Variants in EXOC2 observed in about 807,000 individuals in gnomAD.
The protein encoded by EXOC2 is SEC5-like 1.
In EXOC2, 70 loss-of-function variants were observed where a neutral mutation model predicts 131.8. The observed-to-expected ratio is 0.53, with a 90% CI of 0.44 to 0.65. The LOEUF is 0.65. Among genes scored for constraint, EXOC2 ranks in the 30% least tolerant of loss-of-function variants. The pLI is 0.00. For synonymous variants in EXOC2, 411 were observed against 398.4 expected, an observed-to-expected ratio of 1.03 and a Z score of -0.38; for missense variants, 923 against 1,108.6, an observed-to-expected ratio of 0.83 and a Z score of 2.38.
At chr6:641,145 G>C (rs1174496543) in intron 1 of EXOC2, among the ~76,000 whole-genome samples, 1 of 152,142 alleles carries the variant, frequency 6.6e-6, no homozygotes, top group Non-Finnish European at 1.5e-5. Context: ...AGGTAAACCA[G>C]GGAGTGACCA....
intron 21 of EXOC2, 67 bp from the exon 22 acceptor site, chr6:549,358 T>C (rs973704739): frequency 1.7e-6 from 2 of 1,171,492 alleles, no homozygotes; most frequent in Non-Finnish European, 2.5e-6. Flanking sequence ...GATTAACACT[T>C]GTCAAGTTTA....
intron 13 of EXOC2, among the ~76,000 whole-genome samples, chr6:565,564 A>G (rs1015049266): frequency 2.6e-5 from 4 of 152,228 alleles, no homozygotes; most frequent in African/African-American, 7.2e-5. Flanking sequence ...CAAATTTTCT[A>G]ACTAAATATT....
At chr6:585,610 C>A (rs860138) in intron 11 of EXOC2, among the ~76,000 whole-genome samples, 138,941 of 152,236 alleles carry the variant, frequency 0.91, 63,592 homozygotes, top group East Asian at 1. Flanking sequence ...TTGCTCATAA[C>A]ATTTTCTCTG....
chr6:662,997 A>G (rs1351323438), intron 1 of EXOC2, among the ~76,000 whole-genome samples: 2 of 152,178 alleles, frequency 1.3e-5, no homozygotes, highest in Non-Finnish European at 2.9e-5. Context: ...TCTCAAAAAA[A>G]AAAACAAATC....
At chr6:671,563 A>G (rs970677206) in intron 1 of EXOC2, among the ~76,000 whole-genome samples, 4 of 152,168 alleles carry the variant, frequency 2.6e-5, no homozygotes, top group Non-Finnish European at 5.9e-5. Context: ...TATTTGACCT[A>G]TATCATTTTG....
chr6:617,598 G>A, intron 6 of EXOC2, 113 bp downstream of exon 6: 1 of 1,343,704 alleles, frequency 7.4e-7, no homozygotes, highest in Non-Finnish European at 9.9e-7. Flanking sequence ...GCACATTTGA[G>A]ATCTCTACTT....
chr6:549,934 G>C (rs554764453), intron 21 of EXOC2, among the ~76,000 whole-genome samples: 31 of 152,370 alleles, frequency 2.0e-4, no homozygotes, highest in African/African-American at 7.2e-4. Flanking sequence ...GTACAAGCCA[G>C]TTACTTCTAC....
intron 22 of EXOC2, among the ~76,000 whole-genome samples, chr6:537,289 T>A (rs111410177): frequency 4.7e-5 from 5 of 105,412 alleles, no homozygotes; most frequent in Admixed American, 1.1e-4. Context: ...TACACTCGAG[T>A]TGACAGCCGA....
At chr6:671,384 G>GT (rs1382915094) in intron 1 of EXOC2, among the ~76,000 whole-genome samples, 1 of 151,608 alleles carries the variant, frequency 6.6e-6, no homozygotes, top group Non-Finnish European at 1.5e-5. Flanking sequence ...AAAACTATTT[G>GT]TTTTTTAAGC....
At chr6:528,243 C>T (rs1765862908) in intron 23 of EXOC2, among the ~76,000 whole-genome samples, 1 of 151,568 alleles carries the variant, frequency 6.6e-6, no homozygotes, top group Non-Finnish European at 1.5e-5. Context: ...CATACAGTAT[C>T]GGAAACTAAA....
chr6:549,306 A>G lies in EXOC2; in HGVS notation c.2122-15T>C. On this transcript the variant is annotated splice_polypyrimidine_tract_variant and intron_variant, in intron 21 of 27. Transcript: ENST00000230449. ...AGGCGCTGTTCCTAAAAGCAAAACA[A>G]ATGTTTAGAAAATCACCTTTATGGT... 1 of 1,587,582 alleles carries G rather than the reference A, an allele frequency of 6.3e-7. No individual in the cohort carries two copies. The highest frequency in any genetic ancestry group is 8.6e-7 in the Non-Finnish European group (1 of 1,156,240).
intron 7 of EXOC2, among the ~76,000 whole-genome samples, chr6:606,374 AC>A (rs1760412905): frequency 6.6e-6 from 1 of 152,206 alleles, no homozygotes; most frequent in South Asian, 2.1e-4. Context: ...CATGTAACAA[AC>A]CTGCACGTTG....
At chr6:542,389 C>A (rs1043372714) in intron 22 of EXOC2, among the ~76,000 whole-genome samples, 2 of 152,162 alleles carry the variant, frequency 1.3e-5, no homozygotes, top group East Asian at 3.8e-4. Flanking sequence ...GAGAACAAGG[C>A]ATCAAAGGAG....
chr6:507,243 ACCC>A (rs200882525), intron 23 of EXOC2, among the ~76,000 whole-genome samples: 1 of 58,732 alleles, frequency 1.7e-5, no homozygotes, highest in Admixed American at 2.9e-4. Context: ...CACAGCAGTG[ACCC>A]CCCCACACAC....
intron 5 of EXOC2, among the ~76,000 whole-genome samples, chr6:618,604 T>A (rs1351964454): frequency 2.6e-5 from 4 of 152,218 alleles, no homozygotes; most frequent in African/African-American, 9.6e-5. Flanking sequence ...GACATTTGCT[T>A]TAAAAAGCAA....
Position 579,551 on chromosome 6 carries a change from C to A in EXOC2, c.1193-2669G>T, listed in dbSNP as rs560924197. Among the ~76,000 whole-genome samples, 40 of 152,312 alleles carry A rather than the reference C, an allele frequency of 2.6e-4. 1 individual carries two copies. The South Asian group carries it at 8.1e-3, about 31-fold the overall frequency. On this transcript the variant is annotated intron_variant, in intron 11 of 27. Coordinates refer to ENST00000230449, the MANE Select transcript of EXOC2 (RefSeq NM_018303.6). The stretch of plus-strand genomic sequence containing the variant: ...GTGTCCAGAAGGTAGCGCTTCACAG[C>A]TGCACACAAATGCATAATGTGCCCT...
chr6:665,558 A>G (rs1418640559), intron 1 of EXOC2, among the ~76,000 whole-genome samples: 2 of 152,362 alleles, frequency 1.3e-5, no homozygotes, highest in East Asian at 3.8e-4. Context: ...GAGCTGATAA[A>G]GAAACTGTGG....
At chr6:578,470 GTAAA>G (rs777322561) in intron 11 of EXOC2, among the ~76,000 whole-genome samples, 42 of 152,302 alleles carry the variant, frequency 2.8e-4, no homozygotes, top group Non-Finnish European at 5.3e-4. Context: ...AGCAGAGGAG[GTAAA>G]TAGTGATTGT....
At chr6:620,322 G>T (rs996776799) in intron 4 of EXOC2, among the ~76,000 whole-genome samples, 1 of 152,154 alleles carries the variant, frequency 6.6e-6, no homozygotes, top group Non-Finnish European at 1.5e-5. Context: ...TCTATGAACT[G>T]AATCTGCTTG....
Sources: gnomAD v4.1 joint callset for allele counts (sites outside exome capture counted in the v4.1 genomes callset) on GRCh38, gnomAD v4.1.1 for gene constraint, MANE v1.5 for transcripts, NCBI Gene and HGNC (gene_info 2026-07-23, HGNC 2026-07-21) for gene names.